Variants in C10orf88 observed in about 807,000 individuals in gnomAD.
C10orf88 encodes ATPase PAAT.
In C10orf88, 29 loss-of-function variants were observed where a neutral mutation model predicts 34.2. The observed-to-expected ratio is 0.85, with a 90% CI of 0.63 to 1.16. C10orf88 has a LOEUF of 1.16. C10orf88 is among the 50% of genes most tolerant of loss of function. C10orf88 has a pLI of 0.00. For synonymous variants in C10orf88, 194 were observed against 197.4 expected (o/e 0.98, Z 0.15); for missense variants, 507 against 533.2 (o/e 0.95, Z 0.48).
intron 4 of C10orf88, among the ~76,000 whole-genome samples, chr10:122,946,372 C>T (rs1848639710): frequency 1.3e-5 from 2 of 152,090 alleles, no homozygotes; most frequent in African/African-American, 4.8e-5. Context: ...TTTAGATACA[C>T]AAATCCTTAC....
rs775527598 is a variant in C10orf88, at chr10:122,931,551, C to T, written c.*876G>A. On this transcript the variant is annotated 3_prime_UTR_variant, in exon 6 of 6. Transcript: ENST00000481909. The stretch of plus-strand genomic sequence containing the variant: ...TTATTTTTATATGCAAATATATCAC[C>T]CTTCAATGCATATACAATAGTTATA... 2 of 152,048 alleles carry T rather than the reference C, an allele frequency of 1.3e-5. No homozygotes were observed. Among genetic ancestry groups the T allele is most frequent in the Non-Finnish European group, 2.9e-5 (2 of 68,004 alleles). The allele number at this position is 152,048 out of a possible 1,614,324, so 9.4% of individuals were successfully genotyped here.
chr10:122,934,757 C>T (rs986688919), intron 5 of C10orf88, among the ~76,000 whole-genome samples: 3 of 152,100 alleles, frequency 2.0e-5, no homozygotes, highest in Admixed American at 6.6e-5. Flanking sequence ...AGTGACTGTA[C>T]CATTTTATAT....
chr10:122,948,885 A>G lies in C10orf88; in HGVS notation c.442-30T>C, dbSNP rs758515558. The G allele has an allele frequency of 2.3e-5, 36 of 1,570,496 alleles. 1 individual carries two copies. The highest frequency in any genetic ancestry group is 3.3e-4 in the Middle Eastern group (2 of 5,982). ...TATAAAACAAAAGTTCCAGAAAAGA[A>G]TGATATTAAAAACAATAATCATTTA... On this transcript the variant is annotated intron_variant, in intron 3 of 5. Transcript: ENST00000481909.
chr10:122,948,867 C>A lies in C10orf88; in HGVS notation c.442-12G>T, dbSNP rs1028904744. ...CCAAAGGAGAGCAACTATTATAAAA[C>A]AAAAGTTCCAGAAAAGAATGATATT... is the stretch of plus-strand genomic sequence containing the variant. On this transcript the variant is annotated splice_polypyrimidine_tract_variant and intron_variant, in intron 3 of 5. Transcript: ENST00000481909. 6.2e-7 allele frequency: 1 copy of A among 1,601,426 alleles called. No individual in the cohort carries two copies.
intron 4 of C10orf88, among the ~76,000 whole-genome samples, chr10:122,946,847 A>G (rs1356179667): frequency 6.6e-6 from 1 of 152,120 alleles, no homozygotes; most frequent in African/African-American, 2.4e-5. Flanking sequence ...TTATGAGTGC[A>G]AAGGTCTGGA....
intron 3 of C10orf88, among the ~76,000 whole-genome samples, chr10:122,949,450 G>A (rs1848670702): frequency 6.6e-6 from 1 of 152,112 alleles, no homozygotes. Flanking sequence ...CACAGGCATT[G>A]TAATACAGGA....
intron 4 of C10orf88, among the ~76,000 whole-genome samples, chr10:122,941,840 T>C (rs554501689): frequency 5.9e-5 from 9 of 152,182 alleles, no homozygotes; most frequent in South Asian, 4.2e-4. Context: ...ACAGTGTACA[T>C]AGCAGTAACC....
chr10:122,948,995 T>C, intron 3 of C10orf88, 140 bp from the exon 4 acceptor site: 2 of 730,618 alleles, frequency 2.7e-6, no homozygotes, highest in Non-Finnish European at 4.3e-6. Flanking sequence ...AACTTTTCTC[T>C]AGAACAGCAA....
At position 122,952,936 on chromosome 10, in the gene C10orf88, G is replaced by T. The variant is rs143651755; in HGVS notation, c.261C>A (p.Ile87=). 10 of 1,613,968 alleles carry T rather than the reference G, an allele frequency of 6.2e-6. No homozygotes were observed. The highest frequency in any genetic ancestry group is 5.3e-5 in the African/African-American group (4 of 74,888). Residue 87 remains isoleucine (I), a synonymous_variant, in exon 2 of 6, where the codon ATC becomes ATA. Coordinates refer to ENST00000481909, the MANE Select transcript of C10orf88 (RefSeq NM_024942.4). ...CTGAACTTAAAATGCCAATAGAAGCGATTTCTTCACCTCCATCAGGGCCAC... is the reference window on the plus strand; with the variant it reads ...CTGAACTTAAAATGCCAATAGAAGCTATTTCTTCACCTCCATCAGGGCCAC... ...LRCGPDGGEE[I]ASIGILSSAR...
At chr10:122,942,245 G>A (rs928493993) in intron 4 of C10orf88, among the ~76,000 whole-genome samples, 3 of 151,932 alleles carry the variant, frequency 2.0e-5, no homozygotes, top group African/African-American at 4.8e-5. Flanking sequence ...ATGTAATCCA[G>A]CACATAAACA....
At chr10:122,946,968 T>C (rs1027960808) in intron 4 of C10orf88, among the ~76,000 whole-genome samples, 2 of 151,996 alleles carry the variant, frequency 1.3e-5, no homozygotes, top group Non-Finnish European at 2.9e-5. Flanking sequence ...AGGGCCTACA[T>C]TTTAGAGATT....
At chr10:122,939,087 A>T (rs1265338213) in intron 4 of C10orf88, among the ~76,000 whole-genome samples, 2 of 152,026 alleles carry the variant, frequency 1.3e-5, no homozygotes, top group African/African-American at 4.8e-5. Context: ...ATACTTATAG[A>T]TATTCTAAAA....
intron 4 of C10orf88, among the ~76,000 whole-genome samples, chr10:122,944,697 T>C (rs1047702251): frequency 2.0e-5 from 3 of 152,138 alleles, no homozygotes; most frequent in Admixed American, 6.6e-5. Context: ...AGGTGTTCAA[T>C]GGAGTGTACT....
rs1277877875 is a variant in C10orf88, at chr10:122,954,043, C to T, written c.136G>A (p.Glu46Lys). The T allele has an allele frequency of 6.5e-7, 1 of 1,535,718 alleles. No individual in the cohort carries two copies. The highest frequency in any genetic ancestry group is 8.7e-7 in the Non-Finnish European group (1 of 1,144,108). Residue 46 changes from glutamate to lysine, a missense_variant, in exon 1 of 6, where the codon GAG (glutamate) becomes AAG (lysine). Glu to Lys is a moderately conservative substitution (Grantham distance 56, BLOSUM62 1). Transcript: ENST00000481909. ...AGLGPGDFDW[E>K]ELLAPPAPGQ... ...GGAGCAGGCGGTGCCAGCAGCTCCT[C>T]CCAGTCGAAGTCACCGGGGCCGAGA...
Position 122,939,286 on chromosome 10 carries a change from A to C in C10orf88, c.649-1127T>G, listed in dbSNP as rs78647667. Among the ~76,000 whole-genome samples, 732 of 151,896 alleles carry C rather than the reference A, an allele frequency of 4.8e-3. 5 individuals are homozygous for C. The highest frequency in any genetic ancestry group is 0.017 in the African/African-American group (709 of 41,466). ...ACACAAACTACAAAAGAAAAGAAGG[A>C]AAAAGGGGAAAGAAAAGAAAAAGAG... is the stretch of plus-strand genomic sequence containing the variant. On this transcript the variant is annotated intron_variant, in intron 4 of 5. Transcript: ENST00000481909.
At chr10:122,947,396 T>C (rs1165946099) in intron 4 of C10orf88, among the ~76,000 whole-genome samples, 1 of 152,344 alleles carries the variant, frequency 6.6e-6, no homozygotes. Flanking sequence ...ATTTTGTACA[T>C]GAGGAATTCA....
Position 122,953,998 on chromosome 10 carries a change from CCGTCG to C in C10orf88, c.164+12_164+16del. ...GTTGCCGAGCATAGCGACCCCGTCC[CCGTCG>C]GCCCGGCGCACCCTGGAGCAGGCGG... On this transcript the variant is annotated intron_variant, in intron 1 of 5. Transcript: ENST00000481909. 6.6e-7 allele frequency: 1 copy of C among 1,508,556 alleles called. No individual in the cohort carries two copies. The highest frequency in any genetic ancestry group is 8.8e-7 in the Non-Finnish European group (1 of 1,133,452). The allele number at this position is 1,508,556 out of a possible 1,614,324, so 93.4% of individuals were successfully genotyped here. A position where few individuals can be genotyped will look rare whatever the true frequency, so the allele number is the denominator to read the frequency against.
chr10:122,947,675 A>C (rs1848652418), intron 4 of C10orf88, among the ~76,000 whole-genome samples: 1 of 152,170 alleles, frequency 6.6e-6, no homozygotes, highest in African/African-American at 2.4e-5. Context: ...ACATCCTTCC[A>C]GGGAATGTCT....
intron 5 of C10orf88, 46 bp downstream of exon 5, chr10:122,937,659 T>C (rs1448316773): frequency 2.1e-6 from 3 of 1,456,552 alleles, no homozygotes; most frequent in Non-Finnish European, 2.8e-6. Context: ...CATCTGATTC[T>C]TCCACCTACC....
Sources: gnomAD v4.1 joint callset for allele counts (sites outside exome capture counted in the v4.1 genomes callset) on GRCh38, gnomAD v4.1.1 for gene constraint, MANE v1.5 for transcripts, NCBI Gene and HGNC (gene_info 2026-07-23, HGNC 2026-07-21) for gene names.